The following SATB1 variants were observed in gnomAD, a reference collection of about 807,000 sequenced individuals.
SATB1 encodes the protein SATB homeobox 1.
Under a neutral mutation model 86.9 loss-of-function variants are expected in SATB1, and 11 were observed. The observed-to-expected ratio is 0.13, with a 90% CI of 0.08 to 0.21. The LOEUF (loss-of-function observed/expected upper bound fraction) is 0.21, where lower values mean the gene tolerates loss of function less well. Among genes scored for constraint, SATB1 ranks in the 10% least tolerant of loss-of-function variants. The pLI is 1.00. For synonymous variants in SATB1, 357 were observed against 357.2 expected (o/e 1.00, Z 0.01); for missense variants, 551 against 937.6 (o/e 0.59, Z 5.39).
At chr3:18,408,877 TTTAAG>T (rs1475745167) in intron 5 of SATB1, 2 of 151,926 alleles carry the variant, frequency 1.3e-5, no homozygotes, top group Non-Finnish European at 2.9e-5. Context: ...GCATGATTTG[TTTAAG>T]TTGTTTTTTA....
At chr3:18,388,422 C>G (rs1696455106) in intron 7 of SATB1, among the ~76,000 whole-genome samples, 1 of 152,082 alleles carries the variant, frequency 6.6e-6, no homozygotes, top group Non-Finnish European at 1.5e-5. Flanking sequence ...CTTGACAAAG[C>G]AATATATTCT....
intron 7 of SATB1, among the ~76,000 whole-genome samples, chr3:18,390,297 A>C (rs1696588414): frequency 1.3e-5 from 2 of 152,160 alleles, no homozygotes; most frequent in South Asian, 4.1e-4. Context: ...ATATGATTTG[A>C]TGAAACCTCC....
chr3:18,437,167 G>A (rs985542451), intron 1 of SATB1, among the ~76,000 whole-genome samples: 39 of 152,240 alleles, frequency 2.6e-4, no homozygotes, highest in African/African-American at 9.4e-4. Flanking sequence ...GAAGTATTAA[G>A]AGGAGCAAAA....
In SATB1 at chr3:18,386,370, G is replaced by C. The variant is rs1390310065; in HGVS notation, c.1419+29C>G. 16 of 1,553,490 alleles carry C rather than the reference G, an allele frequency of 1.0e-5. No individual in the cohort carries two copies. Among genetic ancestry groups the C allele is most frequent in the Non-Finnish European group, 1.4e-5 (16 of 1,133,942 alleles). ...AAGCATTAAAAAAAAGCTAAACAAA[G>C]AAGGGCAAGGAGGAAAAGGAGACCG... On this transcript the variant is annotated intron_variant, in intron 8 of 10. Coordinates refer to ENST00000338745, the MANE Select transcript of SATB1 (RefSeq NM_002971.6). This position sits in a 1 kb window ranked among gnomAD's most constrained non-coding sequence, Gnocchi z 4.5.
At chr3:18,419,087 T>C (rs1698255873) in intron 2 of SATB1, among the ~76,000 whole-genome samples, 2 of 152,170 alleles carry the variant, frequency 1.3e-5, no homozygotes, top group Non-Finnish European at 2.9e-5. Context: ...TTTCAAACTA[T>C]TGAAATATAT....
At chr3:18,361,976 T>C (rs1372250169) in intron 9 of SATB1, among the ~76,000 whole-genome samples, 2 of 152,184 alleles carry the variant, frequency 1.3e-5, no homozygotes, top group Non-Finnish European at 2.9e-5. Flanking sequence ...TGTTTTTCCT[T>C]ATGCCTATAT....
intron 2 of SATB1, among the ~76,000 whole-genome samples, chr3:18,418,483 T>C (rs1698228798): frequency 6.6e-6 from 1 of 152,112 alleles, no homozygotes; most frequent in Admixed American, 6.5e-5. Context: ...GAGGTACCAA[T>C]AGGCTAGGCA....
At position 18,349,067 on chromosome 3, in the gene SATB1, C is replaced by T; in HGVS notation, c.*103G>A. 6.7e-7 allele frequency: 1 copy of T among 1,499,510 alleles called. No individual in the cohort carries two copies. Among genetic ancestry groups the T allele is most frequent in the Non-Finnish European group, 8.9e-7 (1 of 1,126,886 alleles). The allele number at this position is 1,499,510 out of a possible 1,614,324, so 92.9% of individuals were successfully genotyped here. On this transcript the variant is annotated 3_prime_UTR_variant, in exon 11 of 11. Transcript: ENST00000338745. This position sits in a 1 kb window ranked among gnomAD's most constrained non-coding sequence, Gnocchi z 5.5. ...GTGCAAGTTTTTGAAGATTCATTGGCCAAACAATGAACAACAAAGGTTTTC... is the reference window on the plus strand; with the variant it reads ...GTGCAAGTTTTTGAAGATTCATTGGTCAAACAATGAACAACAAAGGTTTTC...
chr3:18,367,095 C>T (rs917408363), intron 9 of SATB1, among the ~76,000 whole-genome samples: 2 of 152,122 alleles, frequency 1.3e-5, no homozygotes, highest in Non-Finnish European at 2.9e-5. Flanking sequence ...AGAGGTTAAA[C>T]GGCTTGCCTG....
chr3:18,386,564 T>A lies in SATB1; in HGVS notation c.1254A>T (p.Ala418=). Residue 418 remains alanine, a synonymous_variant, in exon 8 of 11, where the codon GCA becomes GCT. Transcript: ENST00000338745. This position sits in a 1 kb window ranked among gnomAD's most constrained non-coding sequence, Gnocchi z 4.5. ...GAAGGTTTACCAGCAAAGACTGGGA[T>A]GCAGTCTTGGGGTCCTCTTCCTTTC... ...ILRKEEDPKT[A]SQSLLVNLRA... 1 of 1,614,112 alleles carries A rather than the reference T, an allele frequency of 6.2e-7. No individual in the cohort carries two copies. Among genetic ancestry groups the A allele is most frequent in the East Asian group, 2.2e-5 (1 of 44,870 alleles).
In SATB1 at chr3:18,423,028, C is replaced by A. The variant is rs559912570; in HGVS notation, c.-25+599G>T. ...TTACATTACAAACCAAAATTAAATG[C>A]GCATAAAACACCCAATTTACTCATT... On this transcript the variant is annotated intron_variant, in intron 1 of 10. Coordinates refer to ENST00000338745, the MANE Select transcript of SATB1 (RefSeq NM_002971.6). 7.2e-5 allele frequency among the ~76,000 whole-genome samples: 11 copies of A among 152,220 alleles called. No individual in the cohort carries two copies. In the South Asian group the frequency reaches 1.7e-3, roughly 23 times the overall value.
In SATB1 at chr3:18,386,774, C is replaced by A. The variant is rs376098073; in HGVS notation, c.1207-163G>T. 3.2e-3 allele frequency among the ~76,000 whole-genome samples: 494 copies of A among 152,304 alleles called. 1 individual carries two copies. The highest frequency in any genetic ancestry group is 0.011 in the African/African-American group (446 of 41,572). On this transcript the variant is annotated intron_variant, in intron 7 of 10. Coordinates refer to ENST00000338745, the MANE Select transcript of SATB1 (RefSeq NM_002971.6). The surrounding 1 kb of genome is among the most constrained non-coding windows in gnomAD (Gnocchi z 4.5). ...ACAACTGAAGTGGTAGAGAAGAGAG[C>A]CTCAATTGTATTCTTAATTTTATTA... is the stretch of plus-strand genomic sequence containing the variant.
chr3:18,408,113 C>T (rs1024507995), intron 5 of SATB1, among the ~76,000 whole-genome samples: 4 of 151,942 alleles, frequency 2.6e-5, no homozygotes, highest in Non-Finnish European at 5.9e-5. Context: ...CCTGAGTAAA[C>T]TAAATTAGAT....
At chr3:18,355,424 A>T (rs1694581882) in intron 9 of SATB1, among the ~76,000 whole-genome samples, 1 of 152,084 alleles carries the variant, frequency 6.6e-6, no homozygotes, top group African/African-American at 2.4e-5. Flanking sequence ...AAAGAAGCCA[A>T]ATGCTTTCTA....
In SATB1 at chr3:18,416,078, G is replaced by C; in HGVS notation, c.444C>G (p.Ala148=). The part of the protein sequence containing the change: ...NPVPLSYVTD[A]PDATVADMLQ... ...GCATATCTGCTACTGTAGCATCAGG[G>C]GCATCTGTCACGTAAGACAGTGGAA... Residue 148 remains alanine, a synonymous_variant, in exon 4 of 11, where the codon GCC becomes GCG. Coordinates refer to ENST00000338745, the MANE Select transcript of SATB1 (RefSeq NM_002971.6). 6.2e-7 allele frequency: 1 copy of C among 1,610,538 alleles called. No homozygotes were observed. The highest frequency in any genetic ancestry group is 8.5e-7 in the Non-Finnish European group (1 of 1,177,706).
chr3:18,364,813 T>C (rs1433896387), intron 9 of SATB1, among the ~76,000 whole-genome samples: 2 of 151,910 alleles, frequency 1.3e-5, no homozygotes, highest in East Asian at 1.9e-4. Context: ...TATTAGAAAA[T>C]CTTAGTATTT....
chr3:18,354,773 A>G (rs187285583), intron 9 of SATB1, among the ~76,000 whole-genome samples: 1 of 152,160 alleles, frequency 6.6e-6, no homozygotes, highest in Non-Finnish European at 1.5e-5. Context: ...TTCTTTTAAA[A>G]TGGCTAATAA....
At position 18,410,386 on chromosome 3, in the gene SATB1, G is replaced by A. The variant is rs532908855; in HGVS notation, c.639+4725C>T. On this transcript the variant is annotated intron_variant, in intron 5 of 10. Coordinates refer to ENST00000338745, the MANE Select transcript of SATB1 (RefSeq NM_002971.6). ...AAAGGCTACTTGGTGAAGCTCCCGGGCTCTCGGTATGAAGTCTCACCCTTG... is the reference window on the plus strand; with the variant it reads ...AAAGGCTACTTGGTGAAGCTCCCGGACTCTCGGTATGAAGTCTCACCCTTG... Among the ~76,000 whole-genome samples the A allele has an allele frequency of 4.6e-5, 7 of 152,002 alleles. 1 individual carries two copies. In the South Asian group the frequency reaches 1.5e-3, roughly 32 times the overall value.
At position 18,349,837 on chromosome 3, in the gene SATB1, G is replaced by A. The variant is rs114073456; in HGVS notation, c.1780-155C>T. On this transcript the variant is annotated intron_variant, in intron 10 of 10. Transcript: ENST00000338745. The surrounding 1 kb of genome is among the most constrained non-coding windows in gnomAD (Gnocchi z 5.5). ...GAAAAGGTAGGCCGGCGAAATGGCC[G>A]ACAGCATTTACAAAAAAATCAAAAT... 3,302 of 1,325,302 alleles carry A rather than the reference G, an allele frequency of 2.5e-3. 75 individuals carry two copies. In the African/African-American group the frequency reaches 0.043, roughly 17 times the overall value. 82.1% of individuals were successfully genotyped at this position (1,325,302 alleles called of 1,614,324 possible).
Sources: gnomAD v4.1 joint callset for allele counts (sites outside exome capture counted in the v4.1 genomes callset) on GRCh38, gnomAD v4.1.1 for gene constraint, Gnocchi (gnomAD v3.1) non-coding constraint, MANE v1.5 for transcripts, NCBI Gene and HGNC (gene_info 2026-07-23, HGNC 2026-07-21) for gene names.